SPMAP2L: variants seen among roughly 807,000 people sequenced by gnomAD.
The protein encoded by SPMAP2L is sperm microtubule associated protein 2-like.
chr4:56,571,633 G>T, the SPMAP2L span, among the ~76,000 whole-genome samples: 1 of 152,152 alleles, frequency 6.6e-6, no homozygotes, highest in African/African-American at 2.4e-5. Flanking sequence ...ATAATTTGAG[G>T]CCAAGAGTTC....
the SPMAP2L span, among the ~76,000 whole-genome samples, chr4:56,563,879 A>G: frequency 6.6e-6 from 1 of 152,160 alleles, no homozygotes; most frequent in Non-Finnish European, 1.5e-5. Flanking sequence ...TGGTTTTGGT[A>G]TTACGGTAAT....
At chr4:56,549,799 G>A in the SPMAP2L span, among the ~76,000 whole-genome samples, 2 of 152,204 alleles carry the variant, frequency 1.3e-5, no homozygotes, top group Non-Finnish European at 2.9e-5. Context: ...GGCTATGTGT[G>A]TAAGATGTAT....
At chr4:56,555,560 T>G in the SPMAP2L span, among the ~76,000 whole-genome samples, 6 of 152,220 alleles carry the variant, frequency 3.9e-5, no homozygotes, top group African/African-American at 1.2e-4. Context: ...GAATAATTGA[T>G]ATCTTAATAT....
chr4:56,598,691 G>A, the SPMAP2L span, among the ~76,000 whole-genome samples: 1 of 151,890 alleles, frequency 6.6e-6, no homozygotes, highest in African/African-American at 2.4e-5. Flanking sequence ...GGATCAAGGA[G>A]AGGAGGGGAG....
At chr4:56,612,655 C>T in the SPMAP2L span, among the ~76,000 whole-genome samples, 1 of 152,132 alleles carries the variant, frequency 6.6e-6, no homozygotes, top group Non-Finnish European at 1.5e-5. Flanking sequence ...GCAATCTCCA[C>T]CGCCCGGGTT....
chr4:56,554,894 T>C, the SPMAP2L span, among the ~76,000 whole-genome samples: 2 of 152,036 alleles, frequency 1.3e-5, no homozygotes, highest in African/African-American at 4.8e-5. Flanking sequence ...TGCATGTAGA[T>C]GTCCAGTTGT....
chr4:56,620,098 C>T, the SPMAP2L span, among the ~76,000 whole-genome samples: 243 of 152,282 alleles, frequency 1.6e-3, no homozygotes, highest in African/African-American at 5.2e-3. Flanking sequence ...CCTTCAGCAG[C>T]GAGGCTGTAA....
the SPMAP2L span, chr4:56,531,264 C>CT: frequency 1.4e-5 from 20 of 1,414,448 alleles, no homozygotes; most frequent in Admixed American, 5.0e-4. Context: ...AACCGGGGGT[C>CT]CTAAGGTGGA....
chr4:56,599,537 C>T, the SPMAP2L span, among the ~76,000 whole-genome samples: 22 of 152,180 alleles, frequency 1.4e-4, no homozygotes, highest in African/African-American at 5.1e-4. Flanking sequence ...TGTCCTAATG[C>T]TCTCCCTCCC....
At chr4:56,583,628 C>T in the SPMAP2L span, among the ~76,000 whole-genome samples, 1 of 152,112 alleles carries the variant, frequency 6.6e-6, no homozygotes, top group Non-Finnish European at 1.5e-5. Context: ...TGGGGAGCAG[C>T]CTATGAAAAT....
At chr4:56,614,102 G>T in the SPMAP2L span, among the ~76,000 whole-genome samples, 4 of 152,120 alleles carry the variant, frequency 2.6e-5, no homozygotes, top group African/African-American at 9.7e-5. Context: ...CGAGGGGTCC[G>T]GTCTAGGACT....
the SPMAP2L span, chr4:56,594,843 C>A: frequency 4.1e-5 from 65 of 1,599,494 alleles, no homozygotes; most frequent in African/African-American, 7.4e-4. Context: ...CTAGACGGGG[C>A]AAATATGAAC....
chr4:56,608,332 A>G, the SPMAP2L span, among the ~76,000 whole-genome samples: 11 of 152,234 alleles, frequency 7.2e-5, no homozygotes, highest in Non-Finnish European at 1.6e-4. Context: ...GTTGTAAAGG[A>G]TAAGAAGCAT....
chr4:56,548,701 C>T, the SPMAP2L span: 1 of 902,940 alleles, frequency 1.1e-6, no homozygotes, highest in Non-Finnish European at 1.5e-6. Context: ...TTTTCTAACT[C>T]CTTTCTCTTT....
the SPMAP2L span, among the ~76,000 whole-genome samples, chr4:56,577,189 G>A: frequency 6.6e-5 from 10 of 150,976 alleles, no homozygotes; most frequent in African/African-American, 2.0e-4. Context: ...TGGATCATCT[G>A]AGGTCAGGAG....
At chr4:56,551,108 C>T in the SPMAP2L span, among the ~76,000 whole-genome samples, 7 of 152,184 alleles carry the variant, frequency 4.6e-5, no homozygotes, top group African/African-American at 1.7e-4. Flanking sequence ...CTTGTATGTG[C>T]TGTGTCAGTG....
the SPMAP2L span, chr4:56,593,423 A>G: frequency 6.8e-7 from 1 of 1,464,600 alleles, no homozygotes; most frequent in Non-Finnish European, 9.6e-7. Flanking sequence ...TTCAGTGGAA[A>G]AGATGTCAGC....
At chr4:56,596,252 C>T in the SPMAP2L span, among the ~76,000 whole-genome samples, 1 of 151,860 alleles carries the variant, frequency 6.6e-6, no homozygotes, top group South Asian at 2.1e-4. Context: ...CTAATAAAAG[C>T]ATTTTGATTG....
At chr4:56,608,307 T>C in the SPMAP2L span, among the ~76,000 whole-genome samples, 2 of 152,282 alleles carry the variant, frequency 1.3e-5, no homozygotes, top group East Asian at 3.9e-4. Context: ...TTTGGAAAAG[T>C]CTCAGCCTTG....
Sources: gnomAD v4.1 joint callset for allele counts (sites outside exome capture counted in the v4.1 genomes callset) on GRCh38, gnomAD v4.1.1 for gene constraint, MANE v1.5 for transcripts, NCBI Gene and HGNC (gene_info 2026-07-23, HGNC 2026-07-21) for gene names.